Variants in PHACTR2 observed in about 807,000 individuals in gnomAD.
PHACTR2 encodes chromosome 6 open reading frame 56.
A neutral mutation model predicts 76.0 loss-of-function variants in PHACTR2; 30 were observed. The ratio of observed to expected loss-of-function variants is 0.39; its 90% CI spans 0.30 to 0.54. PHACTR2 has a LOEUF of 0.54. PHACTR2 is among the 20% of genes least tolerant of loss of function. The pLI, the probability that PHACTR2 is intolerant of heterozygous loss-of-function variation, is 0.61. For missense variants in PHACTR2, 696 were observed against 781.1 expected (o/e 0.89, Z 1.30); for synonymous variants, 292 against 292.5 (o/e 1.00, Z 0.02).
At chr6:143,810,592 C>T (rs555476395) in intron 12 of PHACTR2, 19 of 449,768 alleles carry the variant, frequency 4.2e-5, no homozygotes, top group African/African-American at 3.4e-4. Flanking sequence ...AACTTCTGAC[C>T]AGCTGAGGCA....
chr6:143,565,125 T>G (rs891094269), intron 1 of PHACTR2, among the ~76,000 whole-genome samples: 1 of 152,170 alleles, frequency 6.6e-6, no homozygotes, highest in East Asian at 1.9e-4. Context: ...CATTCTCTCA[T>G]TCTTCTCATT....
chr6:143,821,675 G>A lies in PHACTR2; in HGVS notation c.1923-1999G>A, dbSNP rs777317823. On this transcript the variant is annotated intron_variant, in intron 12 of 12. Transcript: ENST00000440869. The surrounding 1 kb of genome is among the most constrained non-coding windows in gnomAD (Gnocchi z 5.2). Reference sequence around the variant, plus strand: ...CTCACAGAGTGAGACTGCATAAAGCGCAGATGGTAAGAGAGATAAAGGTAG... The same window carrying A: ...CTCACAGAGTGAGACTGCATAAAGCACAGATGGTAAGAGAGATAAAGGTAG... Among the ~76,000 whole-genome samples the A allele has an allele frequency of 6.6e-6, 1 of 152,216 alleles. No homozygotes were observed. Among genetic ancestry groups the A allele is most frequent in the Non-Finnish European group, 1.5e-5 (1 of 68,036 alleles).
rs58309086 is a variant in PHACTR2, at chr6:143,684,245, G to A, written c.46+6036G>A. 0.019 allele frequency among the ~76,000 whole-genome samples: 2,814 copies of A among 152,094 alleles called. 86 individuals are homozygous for A. The highest frequency in any genetic ancestry group is 0.063 in the African/African-American group (2,595 of 41,474). On this transcript the variant is annotated intron_variant, in intron 1 of 12. Coordinates refer to ENST00000440869, the MANE Select transcript of PHACTR2 (RefSeq NM_001100164.2). The surrounding 1 kb of genome is among the most constrained non-coding windows in gnomAD (Gnocchi z 4.3). ...CAGAGGTAACATGGATCTAATGGAA[G>A]GTTTGATTTTGTCCTCCAAGCCAGT...
chr6:143,665,398 C>A (rs981676120), intron 1 of PHACTR2, among the ~76,000 whole-genome samples: 1 of 152,166 alleles, frequency 6.6e-6, no homozygotes, highest in African/African-American at 2.4e-5. Context: ...CCCTTGGCGA[C>A]ACATGGGATT....
intron 6 of PHACTR2, among the ~76,000 whole-genome samples, chr6:143,771,140 A>ATATG (rs1554227155): frequency 2.9e-5 from 1 of 34,440 alleles, no homozygotes; most frequent in African/African-American, 8.7e-5. Context: ...ACATATATAT[A>ATATG]TATGTATATA....
intron 2 of PHACTR2, among the ~76,000 whole-genome samples, chr6:143,740,605 A>G (rs2128467767): frequency 6.6e-6 from 1 of 151,798 alleles, no homozygotes; most frequent in African/African-American, 2.4e-5. Flanking sequence ...TTGCTTGTGG[A>G]GTAAGGCTGA....
chr6:143,667,289 T>C (rs539376436), intron 1 of PHACTR2, among the ~76,000 whole-genome samples: 2 of 152,366 alleles, frequency 1.3e-5, no homozygotes, highest in Admixed American at 1.3e-4. Flanking sequence ...AGCCTTGTAG[T>C]ATAGTTTGAA....
rs1199588250 is a variant in PHACTR2, at chr6:143,554,724, GC to G, written c.217+17518del. ...TAGAAGATCCAGGAGCCTGACTAAAGCTTGGTCACTCAAATAATCTTTGTCA... is the reference window on the plus strand; with the variant it reads ...TAGAAGATCCAGGAGCCTGACTAAAGTTGGTCACTCAAATAATCTTTGTCA... On this transcript the variant is annotated intron_variant, in intron 1 of 11. Transcript: ENST00000367584. The surrounding 1 kb of genome is among the most constrained non-coding windows in gnomAD (Gnocchi z 5.9). 6.6e-6 allele frequency: 1 copy of G among 152,182 alleles called. No homozygotes were observed. Among genetic ancestry groups the G allele is most frequent in the Non-Finnish European group, 1.5e-5 (1 of 68,028 alleles). The allele number at this position is 152,182 out of a possible 1,614,324, so 9.4% of individuals were successfully genotyped here.
chr6:143,790,808 G>A (rs1465567607), intron 11 of PHACTR2, among the ~76,000 whole-genome samples: 2 of 151,892 alleles, frequency 1.3e-5, no homozygotes, highest in Non-Finnish European at 2.9e-5. Flanking sequence ...CGAGTGGCTG[G>A]GACTACAGGC....
In PHACTR2 at chr6:143,641,469, T is replaced by TCAACA; in HGVS notation, c.13+33147_13+33148insCAACA. On this transcript the variant is annotated intron_variant, in intron 1 of 11. Coordinates refer to the PHACTR2 transcript ENST00000305766. The surrounding 1 kb of genome is among the most constrained non-coding windows in gnomAD (Gnocchi z 5.8). Reference sequence around the variant, plus strand: ...TCTTACCTTCAGATCTGTGAAATAATACATTTCTGTTGTTGATTTGTTTGT... The same window carrying TCAACA: ...TCTTACCTTCAGATCTGTGAAATAATCAACAACATTTCTGTTGTTGATTTGTTTGT... Among the ~76,000 whole-genome samples the TCAACA allele has an allele frequency of 6.6e-6, 1 of 152,172 alleles. No homozygotes were observed. The highest frequency in any genetic ancestry group is 1.5e-5 in the Non-Finnish European group (1 of 68,032).
rs1195006523 is a variant in PHACTR2, at chr6:143,659,921, TAA to T, written c.13+51602_13+51603del. ...AACAAAAGACAAAGGCCAGTAACAT[TAA>T]AAGAGAAGTTGAACAGAACTTTAAC... On this transcript the variant is annotated intron_variant, in intron 1 of 11. Transcript: ENST00000305766. This position sits in a 1 kb window ranked among gnomAD's most constrained non-coding sequence, Gnocchi z 5.0. Among the ~76,000 whole-genome samples the T allele has an allele frequency of 6.6e-6, 1 of 152,178 alleles. No individual in the cohort carries two copies. The highest frequency in any genetic ancestry group is 6.5e-5 in the Admixed American group (1 of 15,274).
chr6:143,599,506 T>C lies in PHACTR2; in HGVS notation c.217+62299T>C, dbSNP rs1010088504. Reference sequence around the variant, plus strand: ...GGAAGACCTTGACAAGATTTCTACGTCTTTCATGGAAGCAATCAATACATG... The same window carrying C: ...GGAAGACCTTGACAAGATTTCTACGCCTTTCATGGAAGCAATCAATACATG... On this transcript the variant is annotated intron_variant, in intron 1 of 11. Coordinates refer to the PHACTR2 transcript ENST00000367584. This position sits in a 1 kb window ranked among gnomAD's most constrained non-coding sequence, Gnocchi z 4.6. Among the ~76,000 whole-genome samples the C allele has an allele frequency of 2.0e-5, 3 of 152,224 alleles. No individual in the cohort carries two copies. The highest frequency in any genetic ancestry group is 4.4e-5 in the Non-Finnish European group (3 of 68,040).
At chr6:143,577,390 AG>A (rs2128432544) in intron 1 of PHACTR2, among the ~76,000 whole-genome samples, 1 of 152,342 alleles carries the variant, frequency 6.6e-6, no homozygotes, top group East Asian at 1.9e-4. Flanking sequence ...AGAGAAGATG[AG>A]AGAAGGACCC....
rs1229249977 is a variant in PHACTR2 at position 143,827,150 on chromosome 6, A to C, written c.*3461A>C. On this transcript the variant is annotated 3_prime_UTR_variant, in exon 13 of 13. Transcript: ENST00000440869. The stretch of plus-strand genomic sequence containing the variant: ...ATTCAGGGCTGCGTTGGCATTAAAA[A>C]AGAAAATATATATATATATATATAT... 9.6e-6 allele frequency: 1 copy of C among 104,266 alleles called. No individual in the cohort carries two copies. The highest frequency in any genetic ancestry group is 3.6e-5 in the African/African-American group (1 of 28,122). The allele number at this position is 104,266 out of a possible 1,614,324, so 6.5% of individuals were successfully genotyped here. A position where few individuals can be genotyped will look rare whatever the true frequency, so the allele number is the denominator to read the frequency against.
rs939379124 is a variant in PHACTR2, at chr6:143,761,478, G to T, written c.694+838G>T. Among the ~76,000 whole-genome samples, 10 of 152,246 alleles carry T rather than the reference G, an allele frequency of 6.6e-5. No individual in the cohort carries two copies. The highest frequency in any genetic ancestry group is 3.9e-4 in the East Asian group (2 of 5,184). On this transcript the variant is annotated intron_variant, in intron 5 of 12. Coordinates refer to ENST00000440869, the MANE Select transcript of PHACTR2 (RefSeq NM_001100164.2). This position sits in a 1 kb window ranked among gnomAD's most constrained non-coding sequence, Gnocchi z 5.2. The stretch of plus-strand genomic sequence containing the variant: ...TTTAAAAGGACATTAATCAGGCCAG[G>T]CCCAGTGGCTCACACCCGTAATCCC...
In PHACTR2 at chr6:143,550,055, T is replaced by C. The variant is rs1169593238; in HGVS notation, c.217+12848T>C. ...TTGGAGTGATATCCCAATGCATCAG[T>C]GGACTACTCAAATCAAACGTAATGG... is the stretch of plus-strand genomic sequence containing the variant. On this transcript the variant is annotated intron_variant, in intron 1 of 11. Coordinates refer to the PHACTR2 transcript ENST00000367584. The surrounding 1 kb of genome is among the most constrained non-coding windows in gnomAD (Gnocchi z 4.8). Among the ~76,000 whole-genome samples, 1 of 152,022 alleles carries C rather than the reference T, an allele frequency of 6.6e-6. No homozygotes were observed. Among genetic ancestry groups the C allele is most frequent in the Non-Finnish European group, 1.5e-5 (1 of 67,970 alleles).
rs918339021 is a variant in PHACTR2, at chr6:143,754,368, G to A, written c.454+456G>A. 6.6e-6 allele frequency among the ~76,000 whole-genome samples: 1 copy of A among 152,232 alleles called. No individual in the cohort carries two copies. The highest frequency in any genetic ancestry group is 6.5e-5 in the Admixed American group (1 of 15,282). On this transcript the variant is annotated intron_variant, in intron 4 of 12. Transcript: ENST00000440869. This position sits in a 1 kb window ranked among gnomAD's most constrained non-coding sequence, Gnocchi z 6.2. Reference sequence around the variant, plus strand: ...TGTCTCCAGCAGTGGGAACTTGGCAGGTGGCATCCACATATCCAGCATCAT... The same window carrying A: ...TGTCTCCAGCAGTGGGAACTTGGCAAGTGGCATCCACATATCCAGCATCAT...
At chr6:143,749,330 A>G (rs1446930840) in intron 3 of PHACTR2, among the ~76,000 whole-genome samples, 1 of 152,210 alleles carries the variant, frequency 6.6e-6, no homozygotes, top group African/African-American at 2.4e-5. Flanking sequence ...TCCGAGGGCA[A>G]TACAGATGAG....
chr6:143,571,283 A>G lies in PHACTR2; in HGVS notation c.217+34076A>G, dbSNP rs1263319995. Among the ~76,000 whole-genome samples, 1 of 152,204 alleles carries G rather than the reference A, an allele frequency of 6.6e-6. No individual in the cohort carries two copies. The highest frequency in any genetic ancestry group is 1.5e-5 in the Non-Finnish European group (1 of 68,032). On this transcript the variant is annotated intron_variant, in intron 1 of 11. Coordinates refer to the PHACTR2 transcript ENST00000367584. This position sits in a 1 kb window ranked among gnomAD's most constrained non-coding sequence, Gnocchi z 4.6. ...GACTTTCTAGTTATCATCCTTCTGCATTTATCAATTGGAATTCTACTACAA... is the reference window on the plus strand; with the variant it reads ...GACTTTCTAGTTATCATCCTTCTGCGTTTATCAATTGGAATTCTACTACAA...
Sources: gnomAD v4.1 joint callset for allele counts (sites outside exome capture counted in the v4.1 genomes callset) on GRCh38, gnomAD v4.1.1 for gene constraint, Gnocchi (gnomAD v3.1) non-coding constraint, MANE v1.5 for transcripts, NCBI Gene and HGNC (gene_info 2026-07-23, HGNC 2026-07-21) for gene names.